Variants in DTNA observed in about 807,000 individuals in gnomAD.
DTNA encodes the protein dystrophin-related protein 3.
A neutral mutation model predicts 100.7 loss-of-function variants in DTNA; 43 were observed. The ratio of observed to expected loss-of-function variants is 0.43; its 90% CI spans 0.33 to 0.55. DTNA has a LOEUF of 0.55. Among genes scored for constraint, DTNA ranks in the 20% least tolerant of loss-of-function variants. DTNA has a pLI of 0.04. For missense variants in DTNA, 798 were observed against 953.9 expected (o/e 0.84, Z 2.15); for synonymous variants, 349 against 347.9 (o/e 1.00, Z -0.04).
chr18:34,533,309 TA>T (rs141718523), intron 1 of DTNA, among the ~76,000 whole-genome samples: 2,303 of 149,988 alleles, frequency 0.015, 56 homozygotes, highest in African/African-American at 0.054. Context: ...GAGGCGAGGT[TA>T]CAGTGAGCCA....
intron 2 of DTNA, among the ~76,000 whole-genome samples, chr18:34,757,922 A>G (rs1290466701): frequency 6.6e-6 from 1 of 152,192 alleles, no homozygotes; most frequent in Non-Finnish European, 1.5e-5. Context: ...GTTGGCAAAA[A>G]CAGCTAAATA....
At position 34,730,093 on chromosome 18, in the gene DTNA, C is replaced by T. The variant is rs116009260; in HGVS notation, c.-2+19648C>T. 2.2e-3 allele frequency among the ~76,000 whole-genome samples: 336 copies of T among 152,198 alleles called. 1 individual carries two copies. The highest frequency in any genetic ancestry group is 7.4e-3 in the African/African-American group (308 of 41,520). ...GACATTGTGTCCCCAGTTTTCTTTC[C>T]GAAGCCTACAGGATGTACGAGTTGC... On this transcript the variant is annotated intron_variant, in intron 1 of 22. Transcript: ENST00000444659.
At chr18:34,875,108 C>A in intron 17 of DTNA, 131 bp from the exon 18 acceptor site, 2 of 1,344,348 alleles carry the variant, frequency 1.5e-6, no homozygotes, top group Non-Finnish European at 2.0e-6. Flanking sequence ...GGATTACCAA[C>A]ACAATTACCT....
chr18:34,529,962 A>G (rs2042989386), intron 1 of DTNA, among the ~76,000 whole-genome samples: 1 of 152,164 alleles, frequency 6.6e-6, no homozygotes, highest in South Asian at 2.1e-4. Context: ...AATAAATGCA[A>G]CTACCAGGGG....
chr18:34,552,725 G>C (rs1362299097), intron 1 of DTNA, among the ~76,000 whole-genome samples: 6 of 151,454 alleles, frequency 4.0e-5, no homozygotes, highest in African/African-American at 7.3e-5. Flanking sequence ...TTTTATGGTT[G>C]CATAGTATTC....
chr18:34,667,433 T>C (rs1417971826), intron 1 of DTNA, among the ~76,000 whole-genome samples: 3 of 152,196 alleles, frequency 2.0e-5, no homozygotes, highest in African/African-American at 7.2e-5. Flanking sequence ...CCTGCCTAAT[T>C]GCCCTGGCCA....
At chr18:34,710,805 A>G (rs560630409) in intron 1 of DTNA, among the ~76,000 whole-genome samples, 2 of 152,190 alleles carry the variant, frequency 1.3e-5, no homozygotes, top group East Asian at 3.9e-4. Flanking sequence ...TTGTTTTTTG[A>G]AAATGGTCCG....
chr18:34,529,395 G>A (rs927365079), intron 1 of DTNA, among the ~76,000 whole-genome samples: 6 of 151,972 alleles, frequency 3.9e-5, no homozygotes, highest in African/African-American at 1.4e-4. Context: ...ACAGTATAAT[G>A]GTAGAAGAGT....
intron 1 of DTNA, among the ~76,000 whole-genome samples, chr18:34,615,733 C>T (rs961182497): frequency 3.3e-5 from 5 of 152,128 alleles, no homozygotes; most frequent in African/African-American, 1.2e-4. Context: ...ACAGACCTCA[C>T]ACTCCTCCCA....
At chr18:34,729,872 C>T (rs1195698580) in intron 1 of DTNA, among the ~76,000 whole-genome samples, 1 of 151,848 alleles carries the variant, frequency 6.6e-6, no homozygotes, top group Non-Finnish European at 1.5e-5. Flanking sequence ...GTTATTTATA[C>T]CTGCTGAGGA....
chr18:34,825,175 G>T, intron 9 of DTNA: 1 of 1,540,918 alleles, frequency 6.5e-7, no homozygotes, highest in African/African-American at 1.4e-5. Context: ...TGACATTTTG[G>T]TATTTTGACA....
At chr18:34,739,257 C>G (rs912898523) in intron 1 of DTNA, among the ~76,000 whole-genome samples, 12 of 152,062 alleles carry the variant, frequency 7.9e-5, no homozygotes, top group Admixed American at 2.6e-4. Flanking sequence ...TTATCATTTT[C>G]TTTTTGTTTG....
chr18:34,609,649 C>G (rs1264010200), intron 1 of DTNA, among the ~76,000 whole-genome samples: 1 of 152,102 alleles, frequency 6.6e-6, no homozygotes, highest in African/African-American at 2.4e-5. Context: ...TGACTCATAC[C>G]TTTGCAGAGT....
At chr18:34,779,299 G>T (rs1437653499) in intron 3 of DTNA, among the ~76,000 whole-genome samples, 1 of 152,078 alleles carries the variant, frequency 6.6e-6, no homozygotes, top group Non-Finnish European at 1.5e-5. Flanking sequence ...ATGTGCAGAT[G>T]GGTTCATAAA....
At chr18:34,874,942 A>G (rs182956843) in intron 17 of DTNA, among the ~76,000 whole-genome samples, 6 of 152,322 alleles carry the variant, frequency 3.9e-5, no homozygotes, top group Admixed American at 3.9e-4. Context: ...ACACCTTGTA[A>G]TTATCTGCAT....
At chr18:34,634,220 G>A (rs1599368524) in intron 1 of DTNA, among the ~76,000 whole-genome samples, 3 of 152,168 alleles carry the variant, frequency 2.0e-5, no homozygotes, top group Middle Eastern at 3.4e-3. Context: ...ATTTCTGTAC[G>A]TTAGCTATTC....
chr18:34,809,630 G>T (rs2095441750), intron 5 of DTNA, among the ~76,000 whole-genome samples: 2 of 152,128 alleles, frequency 1.3e-5, no homozygotes, highest in Admixed American at 1.3e-4. Context: ...AGCTGTGCTT[G>T]TTTGGCAATT....
At chr18:34,493,937 C>T (rs888080506) in intron 1 of DTNA, 3 of 147,540 alleles carry the variant, frequency 2.0e-5, no homozygotes, top group Admixed American at 1.3e-4. Flanking sequence ...GGCGCCTCCC[C>T]GGGCGGCGGG....
At chr18:34,523,247 A>G (rs975239846) in intron 1 of DTNA, among the ~76,000 whole-genome samples, 10 of 152,206 alleles carry the variant, frequency 6.6e-5, no homozygotes, top group African/African-American at 2.2e-4. Context: ...TTCCAAAACT[A>G]TTCTTCTCTT....
Sources: allele counts gnomAD v4.1 joint callset (sites outside exome capture counted in the v4.1 genomes callset), GRCh38; gene constraint gnomAD v4.1.1; transcripts MANE v1.5; gene names NCBI Gene and HGNC (gene_info 2026-07-23, HGNC 2026-07-21).